SLCO4C1: variants seen among roughly 807,000 people sequenced by gnomAD.
SLCO4C1 encodes solute carrier organic anion transporter family member 4C1.
In SLCO4C1, 58 loss-of-function variants were observed where a neutral mutation model predicts 72.1. That is an observed-to-expected ratio of 0.80 (90% confidence interval 0.65 to 1.00). SLCO4C1 has a LOEUF of 1.00. Ranked by LOEUF, SLCO4C1 falls within the 50% of genes least tolerant of loss-of-function variation. SLCO4C1 has a pLI of 0.00. For synonymous variants in SLCO4C1, 297 were observed against 312.5 expected (o/e 0.95, Z 0.52); for missense variants, 898 against 857.9 (o/e 1.05, Z -0.58).
At chr5:102,247,517 G>T in intron 9 of SLCO4C1, 75 bp from the exon 10 acceptor site, 1 of 1,020,568 alleles carries the variant, frequency 9.8e-7, no homozygotes, top group Admixed American at 2.5e-5. Flanking sequence ...GTATTCTCTA[G>T]ACATGGCAAA....
At chr5:102,282,468 T>C (rs1034553677) in intron 2 of SLCO4C1, among the ~76,000 whole-genome samples, 9 of 151,916 alleles carry the variant, frequency 5.9e-5, no homozygotes, top group African/African-American at 1.7e-4. Context: ...GCATGACCCA[T>C]AGAACCTCTC....
At chr5:102,270,889 A>G in intron 2 of SLCO4C1, 83 bp from the exon 3 acceptor site, 1 of 1,030,804 alleles carries the variant, frequency 9.7e-7, no homozygotes, top group Non-Finnish European at 1.4e-6. Flanking sequence ...CTTGCCTAAT[A>G]TAATATAACC....
At chr5:102,283,192 C>CA (rs754318651) in intron 2 of SLCO4C1, among the ~76,000 whole-genome samples, 8,994 of 135,354 alleles carry the variant, frequency 0.066, 306 homozygotes, top group African/African-American at 0.1. Context: ...GTGACATCCA[C>CA]AAAAAAAAAA....
chr5:102,296,004 A>AC lies in SLCO4C1; in HGVS notation c.258dup (p.Ser87ValfsTer37). 1 of 1,614,084 alleles carries AC rather than the reference A, an allele frequency of 6.2e-7. No individual in the cohort carries two copies. The highest frequency in any genetic ancestry group is 8.5e-7 in the Non-Finnish European group (1 of 1,180,022). The stretch of plus-strand genomic sequence containing the variant: ...GGATGGAAGTTCCTCCAGCCGTAAG[A>AC]CCCCTCCTCAAACTCGGACAGCGAC... On this transcript the variant is annotated frameshift_variant, in exon 1 of 13. Transcript: ENST00000310954. LOFTEE classifies it high-confidence loss of function.
intron 2 of SLCO4C1, among the ~76,000 whole-genome samples, chr5:102,274,245 T>A (rs1749205630): frequency 6.6e-6 from 1 of 152,082 alleles, no homozygotes; most frequent in African/African-American, 2.4e-5. Flanking sequence ...GGCATGTGAT[T>A]TGACGATACA....
At position 102,268,354 on chromosome 5, in the gene SLCO4C1, T is replaced by C. The variant is rs567597557; in HGVS notation, c.802+2270A>G. ...TGGTGAATTTGTAATTGTAAAATGA[T>C]ATTCTTTGTCTCTTTCTTGTATTTT... On this transcript the variant is annotated intron_variant, in intron 3 of 12. Coordinates refer to ENST00000310954, the MANE Select transcript of SLCO4C1 (RefSeq NM_180991.5). Among the ~76,000 whole-genome samples, 11 of 152,290 alleles carry C rather than the reference T, an allele frequency of 7.2e-5. 1 individual carries two copies. In the East Asian group the frequency reaches 1.7e-3, roughly 24 times the overall value.
chr5:102,252,643 A>C (rs1459362367), intron 8 of SLCO4C1, among the ~76,000 whole-genome samples: 1 of 152,192 alleles, frequency 6.6e-6, no homozygotes, highest in Non-Finnish European at 1.5e-5. Context: ...GTTATTGATA[A>C]ATAATTACTG....
intron 2 of SLCO4C1, among the ~76,000 whole-genome samples, chr5:102,285,020 A>T (rs925567560): frequency 6.6e-5 from 10 of 152,162 alleles, no homozygotes; most frequent in African/African-American, 2.4e-4. Flanking sequence ...TTCTCTCTAT[A>T]TCCACAGTTA....
chr5:102,264,032 G>T (rs566097819), intron 3 of SLCO4C1, among the ~76,000 whole-genome samples: 1 of 152,072 alleles, frequency 6.6e-6, no homozygotes, highest in Non-Finnish European at 1.5e-5. Flanking sequence ...CATGGAAAGT[G>T]TTGTTAACTG....
chr5:102,249,615 G>A (rs1748699009), intron 9 of SLCO4C1, 23 bp downstream of exon 9: 7 of 1,612,744 alleles, frequency 4.3e-6, no homozygotes, highest in Non-Finnish European at 5.9e-6. Context: ...CTCATTAAGG[G>A]AAAAGTAGGA....
chr5:102,285,555 G>C (rs1290590216), intron 2 of SLCO4C1, among the ~76,000 whole-genome samples: 1 of 152,180 alleles, frequency 6.6e-6, no homozygotes, highest in Non-Finnish European at 1.5e-5. Context: ...AAAGTGCTGG[G>C]ATTACAGGTG....
At chr5:102,261,380 C>G (rs1748940397) in intron 5 of SLCO4C1, among the ~76,000 whole-genome samples, 1 of 151,602 alleles carries the variant, frequency 6.6e-6, no homozygotes, top group Non-Finnish European at 1.5e-5. Context: ...CCACTGCACT[C>G]CAGTCTGGGC....
chr5:102,254,475 A>G (rs1748797554), intron 8 of SLCO4C1, among the ~76,000 whole-genome samples: 1 of 152,176 alleles, frequency 6.6e-6, no homozygotes, highest in Non-Finnish European at 1.5e-5. Flanking sequence ...TCAGGACACC[A>G]TGAACCATGC....
At chr5:102,286,028 GAAGTA>G in intron 2 of SLCO4C1, among the ~76,000 whole-genome samples, 1 of 152,094 alleles carries the variant, frequency 6.6e-6, no homozygotes, top group East Asian at 1.9e-4. Flanking sequence ...ATAGTAACCA[GAAGTA>G]AAGTCCACTT....
chr5:102,241,012 C>G (rs1561364610), intron 10 of SLCO4C1, among the ~76,000 whole-genome samples: 1 of 151,932 alleles, frequency 6.6e-6, no homozygotes, highest in Non-Finnish European at 1.5e-5. Flanking sequence ...AGTCACTAGT[C>G]TTTATTAATT....
intron 5 of SLCO4C1, among the ~76,000 whole-genome samples, chr5:102,260,916 A>G (rs756801397): frequency 6.6e-6 from 1 of 152,148 alleles, no homozygotes; most frequent in Non-Finnish European, 1.5e-5. Flanking sequence ...CTACCTACTC[A>G]GTCTGTCAGA....
intron 8 of SLCO4C1, among the ~76,000 whole-genome samples, chr5:102,250,940 T>C (rs1013435043): frequency 6.6e-6 from 1 of 151,696 alleles, no homozygotes; most frequent in East Asian, 1.9e-4. Context: ...TGAGCCAAGA[T>C]TGCGCCACTG....
intron 2 of SLCO4C1, among the ~76,000 whole-genome samples, chr5:102,282,881 C>CTCTT (rs545214684): frequency 2.0e-5 from 3 of 151,984 alleles, no homozygotes; most frequent in South Asian, 2.1e-4. Context: ...ACCATGAAAA[C>CTCTT]TCTTTCTTTC....
chr5:102,244,510 A>T (rs1482755346), intron 10 of SLCO4C1, among the ~76,000 whole-genome samples: 1 of 152,192 alleles, frequency 6.6e-6, no homozygotes, highest in East Asian at 1.9e-4. Flanking sequence ...CCAAACCTAG[A>T]GAAAGATATC....
Sources: gnomAD v4.1 joint callset for allele counts (sites outside exome capture counted in the v4.1 genomes callset) on GRCh38, gnomAD v4.1.1 for gene constraint, MANE v1.5 for transcripts, NCBI Gene and HGNC (gene_info 2026-07-23, HGNC 2026-07-21) for gene names.